WDR72: variants seen among roughly 807,000 people sequenced by gnomAD.
WDR72 encodes WD repeat-containing protein 72.
Under a neutral mutation model 124.2 loss-of-function variants are expected in WDR72, and 120 were observed. The ratio of observed to expected loss-of-function variants is 0.97; its 90% confidence interval spans 0.83 to 1.12. The LOEUF is 1.12. Ranked by LOEUF, WDR72 falls within the 50% of genes most tolerant of loss-of-function variation. WDR72 has a pLI of 0.00. For missense variants in WDR72, 1,387 were observed against 1,278.8 expected (o/e 1.08, Z -1.29); for synonymous variants, 452 against 441.7 (o/e 1.02, Z -0.29).
chr15:53,737,569 T>A (rs2018393216), intron 1 of WDR72, among the ~76,000 whole-genome samples: 1 of 152,090 alleles, frequency 6.6e-6, no homozygotes, highest in South Asian at 2.1e-4. Context: ...GAGGTGGTGG[T>A]CACTATATAA....
At chr15:53,761,520 T>C (rs1471075648), upstream of WDR72, among the ~76,000 whole-genome samples, 4 of 152,264 alleles carry the variant, frequency 2.6e-5, no homozygotes, top group Non-Finnish European at 5.9e-5. Flanking sequence ...TGGTAAGGGA[T>C]GGAAGGACGT....
At chr15:53,675,977 T>C (rs2016159145) in intron 13 of WDR72, among the ~76,000 whole-genome samples, 1 of 152,204 alleles carries the variant, frequency 6.6e-6, no homozygotes, top group South Asian at 2.1e-4. Flanking sequence ...AGGCAAATAA[T>C]GGGTGACTAA....
chr15:53,612,737 A>G (rs932765059), intron 16 of WDR72, among the ~76,000 whole-genome samples: 1 of 152,108 alleles, frequency 6.6e-6, no homozygotes, highest in Admixed American at 6.6e-5. Flanking sequence ...AGAAGCCACC[A>G]GAAGGTTATA....
Position 53,744,179 on chromosome 15 carries a change from G to A in WDR72, c.-12-11018C>T, listed in dbSNP as rs528958111. On this transcript the variant is annotated intron_variant, in intron 1 of 19. Coordinates refer to ENST00000360509, the MANE Select transcript of WDR72 (RefSeq NM_182758.4). ...CAGGGCCTCCCATCAGCATGCCATC[G>A]TACATAATGAGCTATGAAGAGTTTA... Among the ~76,000 whole-genome samples the A allele has an allele frequency of 6.9e-4, 105 of 152,164 alleles. 2 individuals are homozygous for A. The South Asian group carries it at 0.02, about 30-fold the overall frequency.
chr15:53,563,833 C>G (rs544826299), intron 18 of WDR72, among the ~76,000 whole-genome samples: 1 of 151,742 alleles, frequency 6.6e-6, no homozygotes, highest in Admixed American at 6.6e-5. Context: ...GGATGGGCAT[C>G]GGAGCTCGTC....
chr15:53,656,524 G>C (rs1308360184), intron 14 of WDR72, among the ~76,000 whole-genome samples: 2 of 151,870 alleles, frequency 1.3e-5, no homozygotes, highest in African/African-American at 2.4e-5. Context: ...ACTCTCTTAG[G>C]GCCAGTTTCA....
At chr15:53,673,418 T>A (rs2016060864) in intron 13 of WDR72, among the ~76,000 whole-genome samples, 1 of 152,184 alleles carries the variant, frequency 6.6e-6, no homozygotes, top group Non-Finnish European at 1.5e-5. Context: ...ATTAACACTT[T>A]ATCATGTTGT....
At chr15:53,640,356 T>G (rs1328805809) in intron 14 of WDR72, among the ~76,000 whole-genome samples, 1 of 152,170 alleles carries the variant, frequency 6.6e-6, no homozygotes, top group African/African-American at 2.4e-5. Context: ...CCTCCACTCT[T>G]GGGTCCTGAT....
chr15:53,612,390 C>T (rs748582103), intron 16 of WDR72, among the ~76,000 whole-genome samples: 24 of 151,980 alleles, frequency 1.6e-4, no homozygotes, highest in Non-Finnish European at 2.8e-4. Context: ...AGTACAACAG[C>T]GAAAGGGGTA....
chr15:53,646,868 T>A (rs1163511176), intron 14 of WDR72, among the ~76,000 whole-genome samples: 2 of 152,074 alleles, frequency 1.3e-5, no homozygotes, highest in African/African-American at 2.4e-5. Context: ...GGAAGTCTCA[T>A]AACCAAAAAT....
chr15:53,563,195 A>G (rs889331193), intron 18 of WDR72, among the ~76,000 whole-genome samples: 1 of 151,782 alleles, frequency 6.6e-6, no homozygotes, highest in African/African-American at 2.4e-5. Context: ...GATTGAGAGA[A>G]TAGTGTTTAC....
chr15:53,585,116 T>A (rs2012131551), intron 18 of WDR72, among the ~76,000 whole-genome samples: 1 of 151,974 alleles, frequency 6.6e-6, no homozygotes, highest in African/African-American at 2.4e-5. Context: ...TATTATTGGG[T>A]GTATTAGTCT....
intron 18 of WDR72, among the ~76,000 whole-genome samples, chr15:53,551,185 G>A (rs1031568869): frequency 7.9e-5 from 12 of 152,226 alleles, no homozygotes; most frequent in African/African-American, 2.9e-4. Context: ...CTGGGGAATG[G>A]AGGATGGCCA....
intron 2 of WDR72, among the ~76,000 whole-genome samples, chr15:53,727,321 A>G (rs1383122241): frequency 6.6e-6 from 1 of 151,942 alleles, no homozygotes; most frequent in African/African-American, 2.4e-5. Context: ...ATTAATATCT[A>G]TTATGTTTTT....
chr15:53,689,103 A>G (rs1324819738), intron 13 of WDR72, among the ~76,000 whole-genome samples: 1 of 152,238 alleles, frequency 6.6e-6, no homozygotes, highest in South Asian at 2.1e-4. Flanking sequence ...ACCTAAAACC[A>G]TAAAAATCCT....
At chr15:53,573,540 CTTCTT>C (rs775465198) in intron 18 of WDR72, among the ~76,000 whole-genome samples, 13 of 150,090 alleles carry the variant, frequency 8.7e-5, no homozygotes, top group Non-Finnish European at 1.5e-4. Context: ...ACACCAACTG[CTTCTT>C]TTCTTTTTTT....
chr15:53,715,188 A>G lies in WDR72; in HGVS notation c.514+5T>C. 4.3e-6 allele frequency: 7 copies of G among 1,613,962 alleles called. 1 individual carries two copies. Among genetic ancestry groups the G allele is most frequent in the Non-Finnish European group, 1.7e-6 (2 of 1,179,902 alleles). On this transcript the variant is annotated splice_donor_5th_base_variant and intron_variant, in intron 5 of 19. Transcript: ENST00000360509. Reference sequence around the variant, plus strand: ...CTCTACTGTCAGATAATATCCAACTATTACCTTGAATTCTCATGGAGTGAA... The same window carrying G: ...CTCTACTGTCAGATAATATCCAACTGTTACCTTGAATTCTCATGGAGTGAA...
chr15:53,679,740 C>A (rs2016311887), intron 13 of WDR72, among the ~76,000 whole-genome samples: 1 of 152,100 alleles, frequency 6.6e-6, no homozygotes, highest in Non-Finnish European at 1.5e-5. Flanking sequence ...TTGTAGGAAA[C>A]CACCAGTTAC....
intron 13 of WDR72, among the ~76,000 whole-genome samples, chr15:53,694,176 C>T (rs1212516469): frequency 6.6e-6 from 1 of 152,162 alleles, no homozygotes; most frequent in Non-Finnish European, 1.5e-5. Flanking sequence ...CAACAGGAGT[C>T]ACGGGATGTG....
Sources: allele counts gnomAD v4.1 joint callset (sites outside exome capture counted in the v4.1 genomes callset), GRCh38; gene constraint gnomAD v4.1.1; transcripts MANE v1.5; gene names NCBI Gene and HGNC (gene_info 2026-07-23, HGNC 2026-07-21).